Variants in NF1 observed in about 807,000 individuals in gnomAD.
NF1 encodes neurofibromin 1, also known as neurofibromin.
NF1 carries 122 observed loss-of-function variants against 325.7 expected under a neutral mutation model. That is an observed-to-expected ratio of 0.37 (90% CI 0.32 to 0.44). The LOEUF is 0.44. Among genes scored for constraint, NF1 ranks in the 20% least tolerant of loss-of-function variants. The pLI, the probability that NF1 is intolerant of heterozygous loss-of-function variation, is 1.00. For synonymous variants in NF1, 1,091 were observed against 1,186.0 expected (o/e 0.92, Z 1.65); for missense variants, 2,140 against 3,415.4 (o/e 0.63, Z 9.31).
intron 29 of NF1, among the ~76,000 whole-genome samples, chr17:31,247,529 C>A (rs2067416045): frequency 6.6e-6 from 1 of 152,134 alleles, no homozygotes; most frequent in African/African-American, 2.4e-5. Context: ...AAGTTAAAAA[C>A]ATGAGCTACC....
chr17:31,326,405 T>G (rs1172978226), intron 37 of NF1, among the ~76,000 whole-genome samples, 153 bp downstream of exon 37: 4 of 152,160 alleles, frequency 2.6e-5, no homozygotes, highest in Admixed American at 2.6e-4. Flanking sequence ...CCAAGCACTT[T>G]GGGATGTCAA....
chr17:31,229,673 T>C, intron 21 of NF1, 162 bp from the exon 22 acceptor site: 1 of 996,064 alleles, frequency 1.0e-6, no homozygotes. Context: ...ATACGTGCCC[T>C]GTGTATGGGT....
rs1007172637 is a variant in NF1 at position 31,358,635 on chromosome 17, A to G, written c.8113+13A>G. ...TCTTACCTGCAAAGTAAATAAATGT[A>G]TCTGGAGAAGGATGGTTGATGAACT... On this transcript the variant is annotated intron_variant, in intron 55 of 57. Transcript: ENST00000358273. The G allele has an allele frequency of 1.1e-5, 18 of 1,613,860 alleles. 1 individual carries two copies. The highest frequency in any genetic ancestry group is 8.9e-5 in the East Asian group (4 of 44,872).
chr17:31,310,686 A>G (rs952753981), intron 36 of NF1, among the ~76,000 whole-genome samples: 4 of 152,032 alleles, frequency 2.6e-5, no homozygotes, highest in Admixed American at 2.6e-4. Flanking sequence ...AATTATTCCA[A>G]AGAACCCATG....
At position 31,356,944 on chromosome 17, in the gene NF1, C is replaced by T. The variant is rs752306621; in HGVS notation, c.7739-16C>T. Reference sequence around the variant, plus strand: ...ATCCAGGTGTTTGATCACGTTAATTCCCTATCTTGCTGCAGAAACTCAGAG... The same window carrying T: ...ATCCAGGTGTTTGATCACGTTAATTTCCTATCTTGCTGCAGAAACTCAGAG... On this transcript the variant is annotated splice_polypyrimidine_tract_variant and intron_variant, in intron 52 of 57. Transcript: ENST00000358273. 2.5e-6 allele frequency: 4 copies of T among 1,613,496 alleles called. No individual in the cohort carries two copies. The South Asian group carries it at 4.4e-5, about 18-fold the overall frequency.
At chr17:31,160,280 G>A (rs1194594505) in intron 3 of NF1, among the ~76,000 whole-genome samples, 2 of 152,042 alleles carry the variant, frequency 1.3e-5, no homozygotes, top group East Asian at 3.9e-4. Context: ...AAGCCATGGG[G>A]GTTCACTATG....
chr17:31,358,393 TG>T, intron 54 of NF1, 86 bp from the exon 55 acceptor site: 1 of 1,358,048 alleles, frequency 7.4e-7, no homozygotes, highest in Non-Finnish European at 1.0e-6. Flanking sequence ...CACATTATTC[TG>T]GGGAATGTAT....
chr17:31,294,355 C>T (rs1197568801), intron 36 of NF1, among the ~76,000 whole-genome samples: 1 of 152,144 alleles, frequency 6.6e-6, no homozygotes, highest in Non-Finnish European at 1.5e-5. Context: ...AGCCTAGTGT[C>T]TTCTAGCTTT....
rs781556873 is a variant in NF1, at chr17:31,374,372, G to A, written c.*217G>A. ...TAACTTTTTTTCTTCTACTTTTGGC[G>A]TGTATCTGGTATATGTAAGTGTTCA... On this transcript the variant is annotated 3_prime_UTR_variant, in exon 58 of 58. Coordinates refer to ENST00000358273, the MANE Select transcript of NF1 (RefSeq NM_001042492.3). 28 of 606,854 alleles carry A rather than the reference G, an allele frequency of 4.6e-5. No individual in the cohort carries two copies. Among genetic ancestry groups the A allele is most frequent in the South Asian group, 3.1e-4 (16 of 51,666 alleles). The allele number at this position is 606,854 out of a possible 1,614,324, so 37.6% of individuals were successfully genotyped here.
chr17:31,137,244 AT>A (rs1915848565), intron 1 of NF1: 1 of 152,182 alleles, frequency 6.6e-6, no homozygotes, highest in South Asian at 2.1e-4. Flanking sequence ...CTAAAAAGCC[AT>A]TACCTTCTCA....
At chr17:31,319,071 T>C in intron 36 of NF1, 1 of 1,522,074 alleles carries the variant, frequency 6.6e-7, no homozygotes. Flanking sequence ...GAATAATGGA[T>C]CCTAGTTTTG....
At chr17:31,165,914 A>G (rs1415942771) in intron 4 of NF1, among the ~76,000 whole-genome samples, 1 of 150,986 alleles carries the variant, frequency 6.6e-6, no homozygotes, top group African/African-American at 2.4e-5. Flanking sequence ...CTTGTCTTGA[A>G]CCCCTGGGCT....
At chr17:31,288,935 A>G (rs1013339016) in intron 36 of NF1, among the ~76,000 whole-genome samples, 5 of 152,152 alleles carry the variant, frequency 3.3e-5, no homozygotes, top group African/African-American at 1.2e-4. Flanking sequence ...GTAACTTTGA[A>G]ATAAATGAAA....
chr17:31,361,761 A>T (rs892462716), intron 57 of NF1, among the ~76,000 whole-genome samples: 1 of 152,244 alleles, frequency 6.6e-6, no homozygotes, highest in African/African-American at 2.4e-5. Flanking sequence ...TTTTGCATGA[A>T]CATTTCAACT....
chr17:31,168,472 G>C (rs913938301), intron 4 of NF1, among the ~76,000 whole-genome samples: 1 of 151,974 alleles, frequency 6.6e-6, no homozygotes, highest in African/African-American at 2.4e-5. Flanking sequence ...AATAGGATGC[G>C]TACTTTGGAA....
intron 8 of NF1, among the ~76,000 whole-genome samples, chr17:31,195,587 A>G (rs1211793058): frequency 6.6e-6 from 1 of 152,092 alleles, no homozygotes; most frequent in Non-Finnish European, 1.5e-5. Context: ...GTCTCTCTGA[A>G]TTTGACTACC....
At chr17:31,175,345 C>CTTTTCTTTTT (rs2066002209) in intron 5 of NF1, among the ~76,000 whole-genome samples, 1 of 71,348 alleles carries the variant, frequency 1.4e-5, no homozygotes, top group Non-Finnish European at 2.5e-5. Context: ...TGTGCTTTTG[C>CTTTTCTTTTT]TTTTTTTTTT....
chr17:31,120,426 G>C (rs567608081), intron 1 of NF1, among the ~76,000 whole-genome samples: 5 of 152,144 alleles, frequency 3.3e-5, no homozygotes, highest in Non-Finnish European at 7.3e-5. Context: ...TGGTGTATAG[G>C]AATGCTTGTG....
chr17:31,143,038 G>A (rs530272684), intron 1 of NF1, among the ~76,000 whole-genome samples: 18 of 152,040 alleles, frequency 1.2e-4, no homozygotes, highest in Middle Eastern at 3.4e-3. Flanking sequence ...AATTGTATGT[G>A]CATTCTTTTA....
Sources: gnomAD v4.1 joint callset for allele counts (sites outside exome capture counted in the v4.1 genomes callset) on GRCh38, gnomAD v4.1.1 for gene constraint, MANE v1.5 for transcripts, NCBI Gene and HGNC (gene_info 2026-07-23, HGNC 2026-07-21) for gene names.